The following WDCP variants were observed in gnomAD, a reference collection of about 807,000 sequenced individuals.
The protein encoded by WDCP is WD repeat and coiled coil containing.
Under a neutral mutation model 41.6 loss-of-function variants are expected in WDCP, and 19 were observed. The observed-to-expected ratio is 0.46, with a 90% confidence interval of 0.32 to 0.67. WDCP has a LOEUF of 0.67. WDCP is among the 30% of genes least tolerant of loss of function. The pLI is 0.04. For synonymous variants in WDCP, 302 were observed against 320.8 expected (o/e 0.94, Z 0.63); for missense variants, 802 against 850.7 (o/e 0.94, Z 0.71).
chr2:24,044,267 T>G (rs930010571), intron 1 of WDCP, among the ~76,000 whole-genome samples: 3 of 150,654 alleles, frequency 2.0e-5, no homozygotes, highest in African/African-American at 7.3e-5. Context: ...TTTACTGAGG[T>G]TTTTTTTTGG....
chr2:24,046,981 T>G (rs530957771), intron 1 of WDCP, among the ~76,000 whole-genome samples: 1 of 152,252 alleles, frequency 6.6e-6, no homozygotes, highest in African/African-American at 2.4e-5. Context: ...CTCCTAGCTG[T>G]ACCCAACTTT....
chr2:24,037,868 G>A lies in WDCP; in HGVS notation c.1627C>T (p.Pro543Ser). 6.2e-7 allele frequency: 1 copy of A among 1,614,140 alleles called. No homozygotes were observed. Among genetic ancestry groups the A allele is most frequent in the East Asian group, 2.2e-5 (1 of 44,886 alleles). Residue 543 changes from proline to serine, a missense_variant, in exon 2 of 4, where the codon CCT becomes TCT. Coordinates refer to ENST00000295148, the MANE Select transcript of WDCP (RefSeq NM_025203.3). ...HTSTLEPPRLPQRKNLQSEKE... is the reference protein window; with the variant it reads ...HTSTLEPPRLSQRKNLQSEKE... Reference sequence around the variant, plus strand: ...TCACTTTGTAAGTTCTTTCTTTGAGGCAAACGAGGAGGCTCCAGTGTGCTG... The same window carrying A: ...TCACTTTGTAAGTTCTTTCTTTGAGACAAACGAGGAGGCTCCAGTGTGCTG...
intron 3 of WDCP, among the ~76,000 whole-genome samples, chr2:24,032,595 T>C (rs1663127721): frequency 6.6e-6 from 1 of 151,960 alleles, no homozygotes; most frequent in South Asian, 2.1e-4. Context: ...ATGGGAGGAT[T>C]GCTTGAGCTC....
intron 2 of WDCP, 141 bp from the exon 3 acceptor site, chr2:24,033,087 T>C (rs1663145533): frequency 1.4e-6 from 1 of 708,278 alleles, no homozygotes; most frequent in Admixed American, 2.1e-5. Flanking sequence ...TTTAAGGAGC[T>C]CTTTGCTGCA....
rs201866728 is a variant in WDCP, at chr2:24,032,817, A to C, written c.1936+12T>G. ...GGATGTTAGCTAGGGTCAATTTCTG[A>C]GCACGACCTACCATGTAGCATTTCA... On this transcript the variant is annotated intron_variant, in intron 3 of 3. Transcript: ENST00000295148. 1 of 1,510,448 alleles carries C rather than the reference A, an allele frequency of 6.6e-7. No homozygotes were observed. The highest frequency in any genetic ancestry group is 2.3e-5 in the East Asian group (1 of 44,410). 93.6% of individuals were successfully genotyped at this position (1,510,448 alleles called of 1,614,324 possible). A position where few individuals can be genotyped will look rare whatever the true frequency, so the allele number is the denominator to read the frequency against.
Position 24,030,670 on chromosome 2 carries a change from G to C in WDCP, c.*263C>G. On this transcript the variant is annotated 3_prime_UTR_variant, in exon 4 of 4. Coordinates refer to ENST00000295148, the MANE Select transcript of WDCP (RefSeq NM_025203.3). The stretch of plus-strand genomic sequence containing the variant: ...CCATATGGCACCATAATATTGTTTT[G>C]TTCTGAGAATTCTGCCCTTAGTCAA... 2.5e-6 allele frequency: 1 copy of C among 406,916 alleles called. No individual in the cohort carries two copies. Among genetic ancestry groups the C allele is most frequent in the Non-Finnish European group, 4.4e-6 (1 of 226,478 alleles). The allele number at this position is 406,916 out of a possible 1,614,324, so 25.2% of individuals were successfully genotyped here.
chr2:24,042,748 C>T (rs1323678477), intron 1 of WDCP, among the ~76,000 whole-genome samples: 1 of 149,960 alleles, frequency 6.7e-6, no homozygotes, highest in Non-Finnish European at 1.5e-5. Flanking sequence ...ATTACTGGGC[C>T]AGAGCCAGGC....
In WDCP at chr2:24,036,065, A is replaced by AAAATAAATAAATAAAT. The variant is rs546096434; in HGVS notation, c.1818+1596_1818+1611dup. Among the ~76,000 whole-genome samples, 283 of 140,406 alleles carry AAAATAAATAAATAAAT rather than the reference A, an allele frequency of 2.0e-3. 1 individual carries two copies. Among genetic ancestry groups the AAAATAAATAAATAAAT allele is most frequent in the South Asian group, 0.011 (49 of 4,454 alleles). 92.1% of individuals were successfully genotyped at this position (140,406 alleles called of 152,430 possible). A position where few individuals can be genotyped will look rare whatever the true frequency, so the allele number is the denominator to read the frequency against. On this transcript the variant is annotated intron_variant, in intron 2 of 3. Transcript: ENST00000295148. ...GCCTGGTGACAGAGACTCCGTCTCAAAAATAAATAAATAAATAAATAAATA... is the reference window on the plus strand; with the variant it reads ...GCCTGGTGACAGAGACTCCGTCTCAAAAATAAATAAATAAATAAATAAATAAATAAATAAATAAATA...
rs554502672 is a variant in WDCP at position 24,040,400 on chromosome 2, A to T, written c.-18-888T>A. Among the ~76,000 whole-genome samples, 34 of 152,352 alleles carry T rather than the reference A, an allele frequency of 2.2e-4. No homozygotes were observed. In the South Asian group the frequency reaches 7.0e-3, roughly 32 times the overall value. On this transcript the variant is annotated intron_variant, in intron 1 of 3. Coordinates refer to ENST00000295148, the MANE Select transcript of WDCP (RefSeq NM_025203.3). ...AAATTTAAGAAAAGTCTCCTCCATC[A>T]TCTAATTTCTATTCGTCCTTTCACT...
At position 24,039,185 on chromosome 2, in the gene WDCP, G is replaced by A. The variant is rs1462804724; in HGVS notation, c.310C>T (p.Gln104Ter). 1.9e-6 allele frequency: 3 copies of A among 1,614,100 alleles called. No individual in the cohort carries two copies. The highest frequency in any genetic ancestry group is 2.5e-6 in the Non-Finnish European group (3 of 1,180,046). The change falls in exon 2 of 4, where the codon CAG becomes TAG. Residue 104 changes from glutamine (Q) to a stop codon, truncating the protein, a stop_gained. Transcript: ENST00000295148. LOFTEE classifies it high-confidence loss of function. ...PMESSKWLTS[Q>*]TCEIRGSLPI... Reference sequence around the variant, plus strand: ...AGTGATCCTCTAATCTCACAAGTCTGAGACGTCAGCCATTTGCTTGACTCC... The same window carrying A: ...AGTGATCCTCTAATCTCACAAGTCTAAGACGTCAGCCATTTGCTTGACTCC...
chr2:24,040,385 A>G (rs1273581203), intron 1 of WDCP, among the ~76,000 whole-genome samples: 1 of 152,240 alleles, frequency 6.6e-6, no homozygotes, highest in Non-Finnish European at 1.5e-5. Flanking sequence ...AAATTTAAGA[A>G]AAGTCTCCTC....
chr2:24,038,464 A>T lies in WDCP; in HGVS notation c.1031T>A (p.Leu344Gln). The T allele has an allele frequency of 6.2e-7, 1 of 1,614,234 alleles. No individual in the cohort carries two copies. Among genetic ancestry groups the T allele is most frequent in the Non-Finnish European group, 8.5e-7 (1 of 1,180,036 alleles). ...VTIPGILVPDLIAFNLKAHVV... is the reference protein window; with the variant it reads ...VTIPGILVPDQIAFNLKAHVV... Reference sequence around the variant, plus strand: ...GTGGGCTTTAAGATTAAATGCTATCAGATCAGGAACCAGAATGCCTGGAAT... The same window carrying T: ...GTGGGCTTTAAGATTAAATGCTATCTGATCAGGAACCAGAATGCCTGGAAT... Residue 344 changes from leucine (L) to glutamine (Q), a missense_variant, in exon 2 of 4, where the codon CTG becomes CAG. This residue lies in a region of WDCP where 247 missense variants were observed against 240.5 expected (regional missense o/e 1.03). Coordinates refer to ENST00000295148, the MANE Select transcript of WDCP (RefSeq NM_025203.3).
At position 24,030,722 on chromosome 2, in the gene WDCP, A is replaced by T. The variant is rs922716903; in HGVS notation, c.*211T>A. On this transcript the variant is annotated 3_prime_UTR_variant, in exon 4 of 4. Coordinates refer to ENST00000295148, the MANE Select transcript of WDCP (RefSeq NM_025203.3). ...ACCACACAGTCATGAATACATAAAC[A>T]CCACTTTCGGAGCCATCTAATAAAG... is the stretch of plus-strand genomic sequence containing the variant. The T allele has an allele frequency of 1.8e-6, 1 of 548,014 alleles. No individual in the cohort carries two copies. Among genetic ancestry groups the T allele is most frequent in the South Asian group, 2.6e-5 (1 of 38,982 alleles). The allele number at this position is 548,014 out of a possible 1,614,324, so 33.9% of individuals were successfully genotyped here.
chr2:24,047,237 G>C (rs1041160637), intron 1 of WDCP, 77 bp downstream of exon 1: 3 of 151,490 alleles, frequency 2.0e-5, no homozygotes, highest in Non-Finnish European at 4.4e-5. Flanking sequence ...TACCCACCAA[G>C]AGCCGATCCA....
chr2:24,038,901 C>T lies in WDCP; in HGVS notation c.594G>A (p.Leu198=). Residue 198 remains leucine, a synonymous_variant, in exon 2 of 4, where the codon CTG becomes CTA. Coordinates refer to ENST00000295148, the MANE Select transcript of WDCP (RefSeq NM_025203.3). ...AGACGTGGCTGTCCACATCAAACACCAGGCAGGAGGAGCACCTGTGAAGAG... is the reference window on the plus strand; with the variant it reads ...AGACGTGGCTGTCCACATCAAACACTAGGCAGGAGGAGCACCTGTGAAGAG... ...QKTLHRCSSC[L]VFDVDSHVCS... is the part of the protein sequence containing the mutation. 1.2e-6 allele frequency: 2 copies of T among 1,614,206 alleles called. No individual in the cohort carries two copies. Among genetic ancestry groups the T allele is most frequent in the Non-Finnish European group, 1.7e-6 (2 of 1,180,030 alleles).
intron 1 of WDCP, among the ~76,000 whole-genome samples, chr2:24,043,443 C>T (rs1256687814): frequency 6.6e-6 from 1 of 151,886 alleles, no homozygotes; most frequent in Non-Finnish European, 1.5e-5. Context: ...CCCTGGAGTT[C>T]GAGACCAGAG....
Position 24,045,619 on chromosome 2 carries a change from A to AAG in WDCP, c.-19+1693_-19+1694dup, listed in dbSNP as rs1258646775. Among the ~76,000 whole-genome samples, 34 of 87,886 alleles carry AAG rather than the reference A, an allele frequency of 3.9e-4. No individual in the cohort carries two copies. The East Asian group carries it at 4.7e-3, about 12-fold the overall frequency. 57.7% of individuals were successfully genotyped at this position (87,886 alleles called of 152,430 possible). ...CCATCTCAAAAAAAAAAAAAAAAAA[A>AAG]AGAGAGAGAGAGAGGAAGGAAGGAA... On this transcript the variant is annotated intron_variant, in intron 1 of 3. Transcript: ENST00000295148.
At chr2:24,034,141 C>T (rs1663172492) in intron 2 of WDCP, among the ~76,000 whole-genome samples, 1 of 152,124 alleles carries the variant, frequency 6.6e-6, no homozygotes, top group Non-Finnish European at 1.5e-5. Context: ...TATAATAGGG[C>T]CGGGTGTGGT....
chr2:24,041,270 T>C (rs1204494483), intron 1 of WDCP, among the ~76,000 whole-genome samples: 7 of 146,234 alleles, frequency 4.8e-5, no homozygotes, highest in African/African-American at 1.3e-4. Flanking sequence ...ACCCAGGAGG[T>C]AGAGATTACA....
Sources: gnomAD v4.1 joint callset for allele counts (sites outside exome capture counted in the v4.1 genomes callset) on GRCh38, gnomAD v4.1.1 for gene constraint, gnomAD v4.1.1 regional missense constraint, MANE v1.5 for transcripts, NCBI Gene and HGNC (gene_info 2026-07-23, HGNC 2026-07-21) for gene names.